ABCB4: variants seen among roughly 807,000 people sequenced by gnomAD.
ABCB4 encodes the protein ATP binding cassette subfamily B member 4.
In ABCB4, 76 loss-of-function variants were observed where a neutral mutation model predicts 145.7. The observed-to-expected ratio is 0.52, with a 90% CI of 0.43 to 0.63. The LOEUF (loss-of-function observed/expected upper bound fraction) is 0.63, where lower values mean the gene tolerates loss of function less well. Ranked by LOEUF, ABCB4 falls within the 30% of genes least tolerant of loss-of-function variation. ABCB4 has a pLI of 0.00. For missense variants in ABCB4, 1,234 were observed against 1,553.1 expected (o/e 0.79, Z 3.45); for synonymous variants, 517 against 566.8 (o/e 0.91, Z 1.25).
intron 2 of ABCB4, among the ~76,000 whole-genome samples, 191 bp from the exon 3 acceptor site, chr7:87,472,866 A>G (rs1813527161): frequency 6.6e-6 from 1 of 152,254 alleles, no homozygotes; most frequent in South Asian, 2.1e-4. Flanking sequence ...GGTACTACAA[A>G]GATACATGGA....
chr7:87,390,008 C>T, the ABCB4 span, among the ~76,000 whole-genome samples: 2 of 151,912 alleles, frequency 1.3e-5, no homozygotes, highest in Non-Finnish European at 2.9e-5. Flanking sequence ...GAATCTTTTT[C>T]CTACCTTTCT....
chr7:87,393,955 T>G, the ABCB4 span, among the ~76,000 whole-genome samples: 1 of 152,234 alleles, frequency 6.6e-6, no homozygotes, highest in Middle Eastern at 3.4e-3. Context: ...ACTAAAGTAT[T>G]CATGAATGCA....
chr7:87,424,101 C>T (rs537393779), intron 16 of ABCB4, 49 bp from the exon 17 acceptor site: 1 of 1,612,928 alleles, frequency 6.2e-7, no homozygotes, highest in African/African-American at 1.3e-5. Flanking sequence ...CAACAGTTAC[C>T]AGAGTCTGTA....
At chr7:87,466,069 G>C (rs1245869009) in intron 3 of ABCB4, among the ~76,000 whole-genome samples, 2 of 152,214 alleles carry the variant, frequency 1.3e-5, no homozygotes, top group South Asian at 2.1e-4. Flanking sequence ...GATGAGTTGA[G>C]AGAAGAAGGC....
At chr7:87,391,582 C>T in the ABCB4 span, 1 of 1,582,542 alleles carries the variant, frequency 6.3e-7, no homozygotes, top group Non-Finnish European at 8.5e-7. Context: ...TTAATTTTTT[C>T]TTGTAGCCCT....
chr7:87,401,703 A>C lies in ABCB4; in HGVS notation c.*393T>G. 3.3e-6 allele frequency: 1 copy of C among 304,262 alleles called. No homozygotes were observed. Among genetic ancestry groups the C allele is most frequent in the Admixed American group, 4.6e-5 (1 of 21,730 alleles). 18.8% of individuals were successfully genotyped at this position (304,262 alleles called of 1,614,324 possible). ...GAAAATTACCAAGAGAGATGAGGCT[A>C]TTGAACAATTTATTTTTCTTTTGTA... is the stretch of plus-strand genomic sequence containing the variant. On this transcript the variant is annotated 3_prime_UTR_variant, in exon 28 of 28. Coordinates refer to ENST00000649586, the MANE Select transcript of ABCB4 (RefSeq NM_000443.4).
In ABCB4 at chr7:87,472,583, A is replaced by G. The variant is rs1181877511; in HGVS notation, c.135+38T>C. 2.6e-6 allele frequency: 4 copies of G among 1,510,546 alleles called. No homozygotes were observed. The East Asian group carries it at 9.0e-5, about 34-fold the overall frequency. The allele number at this position is 1,510,546 out of a possible 1,614,324, so 93.6% of individuals were successfully genotyped here. A position where few individuals can be genotyped will look rare whatever the true frequency, so the allele number is the denominator to read the frequency against. ...GATTCAATACCTCAAATTTGAATAA[A>G]AGGTAGGATTATTCACATTTAACAT... On this transcript the variant is annotated intron_variant, in intron 3 of 27. Coordinates refer to ENST00000649586, the MANE Select transcript of ABCB4 (RefSeq NM_000443.4).
the ABCB4 span, chr7:87,392,630 G>T: frequency 1.2e-6 from 2 of 1,613,222 alleles, no homozygotes; most frequent in South Asian, 2.2e-5. Context: ...ATGAAAGATT[G>T]TTCAGCTGGA....
At chr7:87,475,107 C>A (rs945298794) in intron 2 of ABCB4, among the ~76,000 whole-genome samples, 2 of 152,186 alleles carry the variant, frequency 1.3e-5, no homozygotes, top group African/African-American at 2.4e-5. Flanking sequence ...TTATACAATG[C>A]AGATATTCAT....
downstream of ABCB4, chr7:87,398,471 A>G (rs989143250): frequency 1.9e-6 from 3 of 1,604,030 alleles, no homozygotes; most frequent in Admixed American, 1.7e-5. Context: ...TGTATTCACC[A>G]TCACTATTTG....
chr7:87,441,176 C>T (rs1481898749), intron 12 of ABCB4, among the ~76,000 whole-genome samples: 2 of 152,176 alleles, frequency 1.3e-5, no homozygotes, highest in African/African-American at 4.8e-5. Context: ...TCTCCCTTGA[C>T]AACAATTGCT....
At chr7:87,469,085 A>G (rs1813164237) in intron 3 of ABCB4, among the ~76,000 whole-genome samples, 3 of 152,140 alleles carry the variant, frequency 2.0e-5, no homozygotes, top group Admixed American at 2.0e-4. Context: ...AAATCAATAA[A>G]CGTAATACAG....
intron 14 of ABCB4, 75 bp downstream of exon 14, chr7:87,439,592 G>T: frequency 6.5e-7 from 1 of 1,548,114 alleles, no homozygotes; most frequent in East Asian, 2.2e-5. Flanking sequence ...TCTCAGCCCA[G>T]ACTCCGGAAG....
chr7:87,474,689 A>T (rs1352657300), intron 2 of ABCB4, among the ~76,000 whole-genome samples: 2 of 152,212 alleles, frequency 1.3e-5, no homozygotes, highest in Non-Finnish European at 2.9e-5. Flanking sequence ...GGAAACAAAG[A>T]CACACGCCAT....
At chr7:87,426,946 T>C in intron 15 of ABCB4, 26 bp from the exon 16 acceptor site, 1 of 1,050,854 alleles carries the variant, frequency 9.5e-7, no homozygotes, top group Non-Finnish European at 1.3e-6. Flanking sequence ...GACATTAAAG[T>C]GTGTGTGTGT....
chr7:87,407,032 G>C (rs1178489118), intron 25 of ABCB4, among the ~76,000 whole-genome samples: 1 of 152,172 alleles, frequency 6.6e-6, no homozygotes, highest in Admixed American at 6.5e-5. Context: ...CATGGAAAAG[G>C]AACAAGTTAC....
intron 3 of ABCB4, among the ~76,000 whole-genome samples, chr7:87,469,214 G>A (rs1813178367): frequency 6.6e-6 from 1 of 152,082 alleles, no homozygotes; most frequent in Admixed American, 6.6e-5. Context: ...GGTATTGATG[G>A]GAGGTATCTA....
the ABCB4 span, among the ~76,000 whole-genome samples, chr7:87,387,521 C>T: frequency 1.3e-5 from 2 of 151,838 alleles, no homozygotes; most frequent in African/African-American, 4.8e-5. Context: ...CCCCAAGCCC[C>T]CAGTGCATTA....
chr7:87,440,412 A>G lies in ABCB4; in HGVS notation c.1357-10T>C, dbSNP rs1401923021. ...GCCCATCAATGTTAATCTGAAAGAAAGAAATATTTCCTATTAAGTATTTAA... is the reference window on the plus strand; with the variant it reads ...GCCCATCAATGTTAATCTGAAAGAAGGAAATATTTCCTATTAAGTATTTAA... On this transcript the variant is annotated splice_polypyrimidine_tract_variant and intron_variant, in intron 12 of 27. Coordinates refer to ENST00000649586, the MANE Select transcript of ABCB4 (RefSeq NM_000443.4). The G allele has an allele frequency of 2.5e-6, 4 of 1,611,032 alleles. No homozygotes were observed. The Admixed American group carries it at 6.7e-5, about 27-fold the overall frequency.
Sources: gnomAD v4.1 joint callset for allele counts (sites outside exome capture counted in the v4.1 genomes callset) on GRCh38, gnomAD v4.1.1 for gene constraint, MANE v1.5 for transcripts, NCBI Gene and HGNC (gene_info 2026-07-23, HGNC 2026-07-21) for gene names.